The following BPIFB1 variants were observed in gnomAD, a reference collection of about 807,000 sequenced individuals.
BPIFB1 encodes the protein BPI fold containing family B member 1, also known as BPI fold-containing family B member 1.
In BPIFB1, 34 loss-of-function variants were observed where a neutral mutation model predicts 55.1. The observed-to-expected ratio is 0.62, with a 90% CI of 0.47 to 0.82. The LOEUF (loss-of-function observed/expected upper bound fraction) is 0.82. Ranked by LOEUF, BPIFB1 falls within the 40% of genes least tolerant of loss-of-function variation. The pLI is 0.00. For synonymous variants in BPIFB1, 236 were observed against 245.3 expected, an observed-to-expected ratio of 0.96 and a Z score of 0.35; for missense variants, 532 against 593.1, an observed-to-expected ratio of 0.90 and a Z score of 1.07.
intron 11 of BPIFB1, 102 bp downstream of exon 11, chr20:33,303,176 T>C (rs1980912020): frequency 6.9e-6 from 10 of 1,454,206 alleles, no homozygotes; most frequent in African/African-American, 1.4e-5. Context: ...ACCACTCTCA[T>C]CACTTAGCAG....
intron 3 of BPIFB1, 92 bp from the exon 4 acceptor site, chr20:33,289,793 G>A: frequency 1.6e-6 from 2 of 1,233,278 alleles, no homozygotes; most frequent in Non-Finnish European, 2.4e-6. Context: ...TGCTGCCTAG[G>A]CACCCCAGGG....
At chr20:33,300,255 C>T (rs1046875405) in intron 8 of BPIFB1, among the ~76,000 whole-genome samples, 2 of 152,164 alleles carry the variant, frequency 1.3e-5, no homozygotes, top group African/African-American at 4.8e-5. Flanking sequence ...TCAGGCAAGT[C>T]CCTGCCAATC....
chr20:33,289,991 A>G lies in BPIFB1; in HGVS notation c.364A>G (p.Thr122Ala). Residue 122 changes from threonine (T) to alanine (A), a missense_variant and splice_region_variant, in exon 4 of 16, where the codon ACG (threonine) becomes GCG (alanine). Thr to Ala is a moderately conservative substitution (Grantham distance 58). Transcript: ENST00000253354. ...CCTGGACATGGTGGCTGGATTCAAC[A>G]CGTGAGTGACCCCTCCATCAAGTAC... Reference protein sequence around the residue: ...IPLDMVAGFNTPLVKTIVEFH... With the variant: ...IPLDMVAGFNAPLVKTIVEFH... 1 of 1,612,532 alleles carries G rather than the reference A, an allele frequency of 6.2e-7. No homozygotes were observed. Among genetic ancestry groups the G allele is most frequent in the South Asian group, 1.1e-5 (1 of 91,046 alleles).
chr20:33,297,605 C>T lies in BPIFB1; in HGVS notation c.661+17C>T, dbSNP rs745888594. On this transcript the variant is annotated intron_variant, in intron 7 of 15. Transcript: ENST00000253354. ...TGGTGAAGGGTAGGTGCTCTGCTCTCTCTCCCACTTTTTCCTTTACTACGG... is the reference window on the plus strand; with the variant it reads ...TGGTGAAGGGTAGGTGCTCTGCTCTTTCTCCCACTTTTTCCTTTACTACGG... 6.2e-7 allele frequency: 1 copy of T among 1,614,044 alleles called. No individual in the cohort carries two copies. The highest frequency in any genetic ancestry group is 1.1e-5 in the South Asian group (1 of 91,080).
At chr20:33,303,727 T>C (rs1240659483) in intron 11 of BPIFB1, among the ~76,000 whole-genome samples, 2 of 152,146 alleles carry the variant, frequency 1.3e-5, no homozygotes, top group Non-Finnish European at 2.9e-5. Flanking sequence ...GTCATCGTCA[T>C]CATTATCATT....
intron 6 of BPIFB1, among the ~76,000 whole-genome samples, chr20:33,293,568 T>C (rs1434957045): frequency 6.6e-6 from 1 of 152,254 alleles, no homozygotes; most frequent in Non-Finnish European, 1.5e-5. Context: ...CCAGGGCCAG[T>C]GGCTCACACC....
intron 15 of BPIFB1, 162 bp downstream of exon 15, chr20:33,307,149 T>C (rs934951437): frequency 1.7e-5 from 11 of 634,824 alleles, no homozygotes; most frequent in Non-Finnish European, 2.5e-5. Flanking sequence ...AGTGAGAAGG[T>C]TGGCTGTGCT....
At chr20:33,307,111 C>T (rs533957679) in intron 15 of BPIFB1, 124 bp downstream of exon 15, 299 of 771,304 alleles carry the variant, frequency 3.9e-4, no homozygotes, top group Non-Finnish European at 6.1e-4. Flanking sequence ...GTCCCTTCCC[C>T]TCTCAGGGCC....
chr20:33,286,461 G>A (rs1056712414), intron 2 of BPIFB1, among the ~76,000 whole-genome samples: 1 of 152,230 alleles, frequency 6.6e-6, no homozygotes, highest in Non-Finnish European at 1.5e-5. Flanking sequence ...ATGCAGTGAT[G>A]CAGCTGCCTC....
chr20:33,297,800 G>A (rs1980704273), intron 7 of BPIFB1: 3 of 605,332 alleles, frequency 5.0e-6, no homozygotes, highest in Non-Finnish European at 8.9e-6. Flanking sequence ...TATTTGTGCA[G>A]TTGTCAGGTC....
intron 1 of BPIFB1, 111 bp from the exon 2 acceptor site, chr20:33,285,922 C>A: frequency 1.6e-6 from 1 of 638,678 alleles, no homozygotes; most frequent in African/African-American, 1.8e-5. Flanking sequence ...CTAGCCCAGG[C>A]AGTTAAACAC....
chr20:33,306,105 G>A, intron 14 of BPIFB1, 40 bp downstream of exon 14: 1 of 1,610,054 alleles, frequency 6.2e-7, no homozygotes, highest in Admixed American at 1.7e-5. Context: ...TCTCCCCAGG[G>A]CTTGGCTTTA....
intron 15 of BPIFB1, among the ~76,000 whole-genome samples, chr20:33,308,285 T>A (rs1285789356): frequency 1.3e-5 from 2 of 152,158 alleles, no homozygotes; most frequent in Non-Finnish European, 2.9e-5. Flanking sequence ...TACATGAGAT[T>A]TGGGCGGGGA....
chr20:33,286,836 CA>C (rs1362297990), intron 2 of BPIFB1, among the ~76,000 whole-genome samples: 1 of 152,174 alleles, frequency 6.6e-6, no homozygotes, highest in Non-Finnish European at 1.5e-5. Flanking sequence ...CTGTGACAAC[CA>C]AAAAGGTCTC....
chr20:33,284,968 A>C (rs2146524347), intron 1 of BPIFB1, among the ~76,000 whole-genome samples: 1 of 152,222 alleles, frequency 6.6e-6, no homozygotes, highest in African/African-American at 2.4e-5. Context: ...ATTGCAGATT[A>C]AGCAAAGAGC....
chr20:33,294,929 T>C (rs1200453096), intron 6 of BPIFB1, among the ~76,000 whole-genome samples: 1 of 152,178 alleles, frequency 6.6e-6, no homozygotes, highest in Non-Finnish European at 1.5e-5. Flanking sequence ...TTAGAAAATG[T>C]TGAGGCCAGG....
intron 15 of BPIFB1, chr20:33,307,508 G>A (rs1426024368): frequency 6.1e-6 from 1 of 162,870 alleles, no homozygotes; most frequent in Non-Finnish European, 1.3e-5. Context: ...CCTCTCTGAG[G>A]AGGTAACATT....
At chr20:33,287,714 C>G (rs886879782) in intron 2 of BPIFB1, among the ~76,000 whole-genome samples, 1 of 152,184 alleles carries the variant, frequency 6.6e-6, no homozygotes, top group African/African-American at 2.4e-5. Flanking sequence ...ATAAAATTCT[C>G]TGGGAAGCTG....
At chr20:33,284,375 T>C (rs547255456) in intron 1 of BPIFB1, among the ~76,000 whole-genome samples, 90 of 152,240 alleles carry the variant, frequency 5.9e-4, no homozygotes, top group African/African-American at 2.0e-3. Flanking sequence ...TCCAATTCTT[T>C]CGGGGCTTCC....
Sources: allele counts gnomAD v4.1 joint callset (sites outside exome capture counted in the v4.1 genomes callset), GRCh38; gene constraint gnomAD v4.1.1; transcripts MANE v1.5; gene names NCBI Gene and HGNC (gene_info 2026-07-23, HGNC 2026-07-21).